FMNL2: variants seen among roughly 807,000 people sequenced by gnomAD.
FMNL2 encodes formin-like protein 2.
Under a neutral mutation model 130.2 loss-of-function variants are expected in FMNL2, and 51 were observed. The observed-to-expected ratio is 0.39, with a 90% confidence interval of 0.31 to 0.49. The LOEUF (loss-of-function observed/expected upper bound fraction) is 0.49. Among genes scored for constraint, FMNL2 ranks in the 20% least tolerant of loss-of-function variants. The probability of loss-of-function intolerance (pLI) is 0.85; values close to 1 mark genes in which losing one functional copy is unlikely to be tolerated. For synonymous variants in FMNL2, 465 were observed against 467.1 expected (o/e 1.00, Z 0.06); for missense variants, 977 against 1,316.2 (o/e 0.74, Z 3.99).
chr2:152,628,582 T>A, intron 18 of FMNL2, 49 bp downstream of exon 18: 1 of 1,516,018 alleles, frequency 6.6e-7, no homozygotes, highest in Non-Finnish European at 9.1e-7. Context: ...AAATGTGGAA[T>A]CGTTATTTTT....
chr2:152,424,532 A>G (rs1014973175), intron 1 of FMNL2, among the ~76,000 whole-genome samples: 2 of 152,070 alleles, frequency 1.3e-5, no homozygotes, highest in African/African-American at 4.8e-5. Context: ...CTGGGATTAC[A>G]GGCGTGCGCC....
intron 1 of FMNL2, among the ~76,000 whole-genome samples, chr2:152,478,241 TATATATA>T (rs1690269667): frequency 7.4e-4 from 27 of 36,368 alleles, no homozygotes; most frequent in Admixed American, 1.8e-3. Flanking sequence ...TATATATATA[TATATATA>T]TATTTTTTTT....
intron 21 of FMNL2, among the ~76,000 whole-genome samples, chr2:152,634,297 G>A (rs867065508): frequency 3.3e-5 from 5 of 152,258 alleles, no homozygotes; most frequent in Middle Eastern, 3.4e-3. Flanking sequence ...GCTGGGCATG[G>A]TGGCACATGC....
At chr2:152,496,641 G>A (rs914088761) in intron 1 of FMNL2, among the ~76,000 whole-genome samples, 8 of 152,086 alleles carry the variant, frequency 5.3e-5, no homozygotes, top group South Asian at 2.1e-4. Flanking sequence ...CTGTCATCCC[G>A]TCATATGAGT....
chr2:152,369,869 G>C (rs892403839), intron 1 of FMNL2, among the ~76,000 whole-genome samples: 1 of 152,190 alleles, frequency 6.6e-6, no homozygotes, highest in South Asian at 2.1e-4. Context: ...TTATTTATAT[G>C]CATTTCCTTG....
intron 1 of FMNL2, among the ~76,000 whole-genome samples, chr2:152,412,819 A>G (rs1334469609): frequency 2.0e-5 from 3 of 151,930 alleles, no homozygotes; most frequent in Non-Finnish European, 4.4e-5. Context: ...AAAAAAAGCT[A>G]AACTGAAATG....
At chr2:152,393,920 G>T (rs974610385) in intron 1 of FMNL2, among the ~76,000 whole-genome samples, 2 of 152,192 alleles carry the variant, frequency 1.3e-5, no homozygotes, top group African/African-American at 2.4e-5. Flanking sequence ...TTTTTTATAT[G>T]CCCTGGAGTA....
At chr2:152,563,603 A>G (rs1695652680) in intron 6 of FMNL2, among the ~76,000 whole-genome samples, 1 of 152,078 alleles carries the variant, frequency 6.6e-6, no homozygotes, top group Admixed American at 6.6e-5. Flanking sequence ...ATATACCCAA[A>G]CATTGTTTAC....
At chr2:152,559,556 G>A (rs1579961144) in intron 5 of FMNL2, among the ~76,000 whole-genome samples, 1 of 152,088 alleles carries the variant, frequency 6.6e-6, no homozygotes, top group African/African-American at 2.4e-5. Flanking sequence ...CACCCGCCTC[G>A]GCCTCCCCAA....
intron 6 of FMNL2, among the ~76,000 whole-genome samples, chr2:152,564,272 G>T (rs776566093): frequency 4.6e-5 from 7 of 151,638 alleles, no homozygotes; most frequent in Non-Finnish European, 8.8e-5. Flanking sequence ...GCAGATTTTA[G>T]TTTCTTCTTT....
At chr2:152,616,205 T>A (rs1698935709) in intron 12 of FMNL2, among the ~76,000 whole-genome samples, 1 of 152,196 alleles carries the variant, frequency 6.6e-6, no homozygotes, top group African/African-American at 2.4e-5. Context: ...TGGCTCACCC[T>A]GTCTTTCTCC....
intron 1 of FMNL2, among the ~76,000 whole-genome samples, chr2:152,464,058 G>C (rs1215112399): frequency 6.6e-6 from 1 of 152,170 alleles, no homozygotes; most frequent in African/African-American, 2.4e-5. Context: ...TCAGTCTCCT[G>C]AGTAGCTGGG....
At chr2:152,379,612 A>G (rs191356219) in intron 1 of FMNL2, among the ~76,000 whole-genome samples, 126 of 152,256 alleles carry the variant, frequency 8.3e-4, no homozygotes, top group Non-Finnish European at 1.4e-3. Flanking sequence ...ATTTTTCCCT[A>G]ATTTTAAAAC....
intron 13 of FMNL2, 71 bp downstream of exon 13, chr2:152,617,263 C>A: frequency 1.5e-6 from 2 of 1,330,176 alleles, no homozygotes; most frequent in Non-Finnish European, 2.1e-6. Context: ...TCCAGTGGAA[C>A]GCAGAGTACC....
intron 4 of FMNL2, among the ~76,000 whole-genome samples, chr2:152,554,187 G>T (rs567429915): frequency 5.9e-5 from 9 of 152,246 alleles, no homozygotes; most frequent in Middle Eastern, 3.4e-3. Flanking sequence ...GGGCAGGATG[G>T]CTTGAGCCTG....
At chr2:152,582,695 TAAGG>T (rs1448535489) in intron 9 of FMNL2, among the ~76,000 whole-genome samples, 3 of 152,152 alleles carry the variant, frequency 2.0e-5, no homozygotes, top group Admixed American at 1.3e-4. Flanking sequence ...CATTTATAAA[TAAGG>T]AAGTATGTTT....
At chr2:152,520,369 G>A (rs372821013) in intron 1 of FMNL2, among the ~76,000 whole-genome samples, 8 of 151,912 alleles carry the variant, frequency 5.3e-5, no homozygotes, top group African/African-American at 1.7e-4. Flanking sequence ...CGAGGCGGGC[G>A]GATCATCCAG....
chr2:152,646,157 C>CAAAA (rs3080636), intron 25 of FMNL2, among the ~76,000 whole-genome samples: 42 of 116,886 alleles, frequency 3.6e-4, no homozygotes, highest in African/African-American at 8.0e-4. Context: ...CCCATCTCTA[C>CAAAA]AAAAAAAAAA....
rs192527458 is a variant in FMNL2 at position 152,344,338 on chromosome 2, A to G, written c.117+8618A>G. Among the ~76,000 whole-genome samples, 475 of 152,166 alleles carry G rather than the reference A, an allele frequency of 3.1e-3. 4 individuals carry two copies. In the Middle Eastern group the frequency reaches 0.061, roughly 20 times the overall value. On this transcript the variant is annotated intron_variant, in intron 1 of 25. Coordinates refer to ENST00000288670, the MANE Select transcript of FMNL2 (RefSeq NM_052905.4). ...TTTTCCCCCTTTTTCTTCCTACCCC[A>G]AAGACCAAGCCAATTTGCCTATGAG...
Sources: gnomAD v4.1 joint callset for allele counts (sites outside exome capture counted in the v4.1 genomes callset) on GRCh38, gnomAD v4.1.1 for gene constraint, MANE v1.5 for transcripts, NCBI Gene and HGNC (gene_info 2026-07-23, HGNC 2026-07-21) for gene names.